MAGI2: variants seen among roughly 807,000 people sequenced by gnomAD.
MAGI2 encodes membrane associated guanylate kinase, WW and PDZ domain containing 2, also known as membrane-associated guanylate kinase, WW and PDZ domain-containing protein 2.
Under a neutral mutation model 133.3 loss-of-function variants are expected in MAGI2, and 35 were observed. The observed-to-expected ratio is 0.26, with a 90% CI of 0.20 to 0.35. MAGI2 has a LOEUF of 0.35. Among genes scored for constraint, MAGI2 ranks in the 10% least tolerant of loss-of-function variants. The probability of loss-of-function intolerance (pLI) is 1.00; values close to 1 mark genes in which losing one functional copy is unlikely to be tolerated. For synonymous variants in MAGI2, 729 were observed against 710.6 expected (o/e 1.03, Z -0.41); for missense variants, 1,636 against 1,863.4 (o/e 0.88, Z 2.25).
At chr7:78,171,191 C>T (rs1176388540) in intron 14 of MAGI2, among the ~76,000 whole-genome samples, 1 of 152,114 alleles carries the variant, frequency 6.6e-6, no homozygotes, top group Non-Finnish European at 1.5e-5. Flanking sequence ...ATGATTTGTA[C>T]CCTTGACACA....
At chr7:78,701,314 T>C (rs1300745231) in intron 2 of MAGI2, among the ~76,000 whole-genome samples, 2 of 151,930 alleles carry the variant, frequency 1.3e-5, no homozygotes, top group African/African-American at 4.8e-5. Flanking sequence ...ATTATTACAC[T>C]GGGTACATTT....
Position 78,172,367 on chromosome 7 carries a change from G to A in MAGI2, c.2404-4259C>T, listed in dbSNP as rs140814116. Among the ~76,000 whole-genome samples, 398 of 152,256 alleles carry A rather than the reference G, an allele frequency of 2.6e-3. 2 individuals are homozygous for A. Among genetic ancestry groups the A allele is most frequent in the Middle Eastern group, 6.8e-3 (2 of 294 alleles). On this transcript the variant is annotated intron_variant, in intron 14 of 21. Transcript: ENST00000354212. Reference sequence around the variant, plus strand: ...TTTCCTTCTGAAACTCCTCCAACCAGTGTGCACCACACTCCTGTGCCAAAG... The same window carrying A: ...TTTCCTTCTGAAACTCCTCCAACCAATGTGCACCACACTCCTGTGCCAAAG...
chr7:79,389,819 C>G (rs1319198255), intron 1 of MAGI2, among the ~76,000 whole-genome samples: 1 of 151,940 alleles, frequency 6.6e-6, no homozygotes, highest in Non-Finnish European at 1.5e-5. Flanking sequence ...CTGGCTGGGA[C>G]CAGTTTGGGT....
At chr7:78,652,533 T>C (rs1811692033) in intron 2 of MAGI2, among the ~76,000 whole-genome samples, 1 of 152,196 alleles carries the variant, frequency 6.6e-6, no homozygotes, top group African/African-American at 2.4e-5. Context: ...AAGGGTTTCC[T>C]ATTTAATAAA....
chr7:79,011,883 T>TCC (rs879360853), intron 1 of MAGI2, among the ~76,000 whole-genome samples: 6,625 of 103,790 alleles, frequency 0.064, 555 homozygotes, highest in Non-Finnish European at 0.075. Flanking sequence ...CTTCCTTCCT[T>TCC]TCTTCCTTCC....
intron 1 of MAGI2, chr7:79,411,766 A>C (rs184151562): frequency 6.6e-6 from 1 of 152,154 alleles, no homozygotes; most frequent in Non-Finnish European, 1.5e-5. Flanking sequence ...GAACAATAGA[A>C]TCGTGATTGA....
At chr7:78,565,038 C>G (rs1800806432) in intron 3 of MAGI2, among the ~76,000 whole-genome samples, 1 of 152,000 alleles carries the variant, frequency 6.6e-6, no homozygotes, top group Non-Finnish European at 1.5e-5. Flanking sequence ...TGTGATCCGT[C>G]TGCCTCAGCC....
intron 1 of MAGI2, among the ~76,000 whole-genome samples, chr7:79,036,122 A>G (rs1409087030): frequency 2.0e-5 from 3 of 152,250 alleles, no homozygotes; most frequent in Non-Finnish European, 4.4e-5. Flanking sequence ...GTGACAGCCC[A>G]GTAAGTTAGG....
At chr7:78,908,031 T>G (rs1011247518) in intron 2 of MAGI2, among the ~76,000 whole-genome samples, 2 of 152,144 alleles carry the variant, frequency 1.3e-5, no homozygotes, top group Non-Finnish European at 2.9e-5. Flanking sequence ...GGAGATGATG[T>G]CCTACCTAAA....
intron 2 of MAGI2, among the ~76,000 whole-genome samples, chr7:78,662,912 A>G (rs371122076): frequency 2.6e-5 from 4 of 152,304 alleles, no homozygotes; most frequent in African/African-American, 9.6e-5. Flanking sequence ...GTCATGCCTT[A>G]AATAATTTAA....
At chr7:78,257,531 A>G (rs1793113749) in intron 9 of MAGI2, among the ~76,000 whole-genome samples, 1 of 152,192 alleles carries the variant, frequency 6.6e-6, no homozygotes, top group Admixed American at 6.6e-5. Flanking sequence ...TAACTTTATG[A>G]TTAGAAATGC....
intron 1 of MAGI2, among the ~76,000 whole-genome samples, chr7:79,225,070 C>T (rs1282145642): frequency 1.3e-5 from 2 of 152,136 alleles, no homozygotes; most frequent in African/African-American, 2.4e-5. Flanking sequence ...TGGGGCAACT[C>T]CTGCTTACCT....
intron 9 of MAGI2, among the ~76,000 whole-genome samples, chr7:78,260,856 A>C (rs997165169): frequency 1.3e-5 from 2 of 152,168 alleles, no homozygotes; most frequent in African/African-American, 4.8e-5. Flanking sequence ...GTCCTGTATG[A>C]AAAAAATGTT....
rs1811264133 is a variant in MAGI2 at position 79,037,855 on chromosome 7, TAG to T, written c.302-30651_302-30650del. 2.0e-5 allele frequency among the ~76,000 whole-genome samples: 3 copies of T among 152,328 alleles called. No homozygotes were observed. In the Middle Eastern group the frequency reaches 0.01, roughly 518 times the overall value. ...TTCTTAAACTGGAAAATTTTTCTTG[TAG>T]AGTTTCTCACCTTCTGAATTTTAAG... On this transcript the variant is annotated intron_variant, in intron 1 of 21. Coordinates refer to ENST00000354212, the MANE Select transcript of MAGI2 (RefSeq NM_012301.4).
At chr7:79,171,761 TA>T (rs1562961199) in intron 1 of MAGI2, among the ~76,000 whole-genome samples, 2 of 42,376 alleles carry the variant, frequency 4.7e-5, no homozygotes, top group South Asian at 5.7e-4. Context: ...TATATATATA[TA>T]TATATATATT....
chr7:78,074,152 A>G (rs1815024134), intron 21 of MAGI2, among the ~76,000 whole-genome samples: 1 of 152,146 alleles, frequency 6.6e-6, no homozygotes. Context: ...CTACCTCTGA[A>G]TTGGCTGAGG....
intron 1 of MAGI2, among the ~76,000 whole-genome samples, chr7:79,104,391 G>A (rs1371206073): frequency 6.6e-6 from 1 of 151,998 alleles, no homozygotes; most frequent in African/African-American, 2.4e-5. Flanking sequence ...TTTTTAGGCC[G>A]GGCGCCGTGG....
At chr7:78,405,708 A>C (rs184289890) in intron 6 of MAGI2, among the ~76,000 whole-genome samples, 28 of 152,188 alleles carry the variant, frequency 1.8e-4, no homozygotes, top group Middle Eastern at 3.4e-3. Flanking sequence ...AATACACTTA[A>C]AATAATAGAC....
chr7:78,733,677 G>A (rs759156817), intron 2 of MAGI2, among the ~76,000 whole-genome samples: 1 of 152,082 alleles, frequency 6.6e-6, no homozygotes, highest in Non-Finnish European at 1.5e-5. Context: ...TCCAAATAAT[G>A]TTGTGTTATA....
Sources: allele counts gnomAD v4.1 joint callset (sites outside exome capture counted in the v4.1 genomes callset), GRCh38; gene constraint gnomAD v4.1.1; transcripts MANE v1.5; gene names NCBI Gene and HGNC (gene_info 2026-07-23, HGNC 2026-07-21).